The following MARCHF1 variants were observed in gnomAD, a reference collection of about 807,000 sequenced individuals.
The protein encoded by MARCHF1 is membrane associated ring-CH-type finger 1.
In MARCHF1, 40 loss-of-function variants were observed where a neutral mutation model predicts 54.2. That is an observed-to-expected ratio of 0.74 (90% CI 0.57 to 0.96). The LOEUF (loss-of-function observed/expected upper bound fraction) is 0.96. MARCHF1 is among the 40% of genes least tolerant of loss of function. The probability of loss-of-function intolerance (pLI) is 0.00; values close to 1 mark genes in which losing one functional copy is unlikely to be tolerated. For missense variants in MARCHF1, 586 were observed against 656.5 expected (o/e 0.89, Z 1.17); for synonymous variants, 236 against 236.3 (o/e 1.00, Z 0.01).
At chr4:163,801,549 T>C (rs1049151624) in intron 4 of MARCHF1, among the ~76,000 whole-genome samples, 1 of 152,140 alleles carries the variant, frequency 6.6e-6, no homozygotes, top group Non-Finnish European at 1.5e-5. Context: ...AGGTATATCA[T>C]AACATCAGTA....
At chr4:163,778,127 C>T (rs961524120) in intron 4 of MARCHF1, among the ~76,000 whole-genome samples, 3 of 151,880 alleles carry the variant, frequency 2.0e-5, no homozygotes, top group Admixed American at 6.6e-5. Context: ...AAGCAGGATT[C>T]GATTACATGG....
chr4:164,124,582 G>A (rs1438867641), intron 1 of MARCHF1, among the ~76,000 whole-genome samples: 2 of 151,234 alleles, frequency 1.3e-5, no homozygotes, highest in Non-Finnish European at 2.9e-5. Context: ...ACACAACGGA[G>A]TACTATTCTG....
chr4:164,051,708 T>TATCCTAGGTATC (rs1195381943), intron 2 of MARCHF1, among the ~76,000 whole-genome samples: 15 of 152,166 alleles, frequency 9.9e-5, no homozygotes, highest in Non-Finnish European at 1.8e-4. Context: ...TTATCCTAGG[T>TATCCTAGGTATC]CTAACTGATT....
At chr4:163,657,175 A>G (rs539260873) in intron 5 of MARCHF1, among the ~76,000 whole-genome samples, 4 of 152,194 alleles carry the variant, frequency 2.6e-5, no homozygotes, top group African/African-American at 9.6e-5. Flanking sequence ...TGTCTCAGCC[A>G]AAAGCTTCTT....
chr4:164,203,309 G>A (rs954589606), intron 1 of MARCHF1, among the ~76,000 whole-genome samples: 1 of 152,192 alleles, frequency 6.6e-6, no homozygotes, highest in Middle Eastern at 3.4e-3. Context: ...CTGTGTAGGA[G>A]AAAGAGAGAG....
At chr4:163,797,248 G>A (rs1326212136) in intron 4 of MARCHF1, among the ~76,000 whole-genome samples, 1 of 151,774 alleles carries the variant, frequency 6.6e-6, no homozygotes, top group Non-Finnish European at 1.5e-5. Flanking sequence ...GTAGTCCTTT[G>A]TAAGTGATCT....
intron 3 of MARCHF1, among the ~76,000 whole-genome samples, chr4:163,954,218 C>A (rs1429647550): frequency 6.6e-6 from 1 of 152,118 alleles, no homozygotes; most frequent in East Asian, 1.9e-4. Flanking sequence ...ATAAAAATCA[C>A]ATGGAATATT....
At position 163,731,964 on chromosome 4, in the gene MARCHF1, A is replaced by T. The variant is rs565391508; in HGVS notation, c.112-31101T>A. ...CAACAAGATCCCAGAACAAAGCTCA[A>T]CAACATTTTTAGGAATAGAAAAATA... On this transcript the variant is annotated intron_variant, in intron 4 of 9. Transcript: ENST00000514618. Among the ~76,000 whole-genome samples the T allele has an allele frequency of 3.3e-5, 5 of 152,316 alleles. No homozygotes were observed. The South Asian group carries it at 1.0e-3, about 32-fold the overall frequency.
At chr4:164,316,914 C>T (rs1735015311) in intron 1 of MARCHF1, among the ~76,000 whole-genome samples, 1 of 152,174 alleles carries the variant, frequency 6.6e-6, no homozygotes, top group Non-Finnish European at 1.5e-5. Flanking sequence ...TCCCTTACTG[C>T]AATGACTAAG....
Position 164,133,481 on chromosome 4 carries a change from T to C in MARCHF1, c.-322-21819A>G, listed in dbSNP as rs142474662. 1.2e-3 allele frequency among the ~76,000 whole-genome samples: 176 copies of C among 152,300 alleles called. 1 individual carries two copies. Among genetic ancestry groups the C allele is most frequent in the Non-Finnish European group, 4.7e-4 (32 of 68,026 alleles). ...TATCATATTATTGAATTCAAAACCA[T>C]TATAAAATTTATTTGAAGAAAAGTC... On this transcript the variant is annotated intron_variant, in intron 1 of 9. Transcript: ENST00000514618.
rs556580101 is a variant in MARCHF1 at position 163,754,707 on chromosome 4, G to T, written c.112-53844C>A. Reference sequence around the variant, plus strand: ...TCCACAATTAAAATTTTATTGATTTGATTTAAACCTGTTAAAGACTCTTTT... The same window carrying T: ...TCCACAATTAAAATTTTATTGATTTTATTTAAACCTGTTAAAGACTCTTTT... On this transcript the variant is annotated intron_variant, in intron 4 of 9. Coordinates refer to ENST00000514618, the MANE Select transcript of MARCHF1 (RefSeq NM_001394959.1). 4.0e-5 allele frequency among the ~76,000 whole-genome samples: 6 copies of T among 148,960 alleles called. No homozygotes were observed. The Admixed American group carries it at 4.0e-4, about 10-fold the overall frequency.
intron 3 of MARCHF1, among the ~76,000 whole-genome samples, chr4:163,901,068 G>GTA: frequency 6.6e-6 from 1 of 152,186 alleles, no homozygotes; most frequent in Admixed American, 6.5e-5. Context: ...CCATCCCATT[G>GTA]TATATTTTAT....
chr4:164,143,376 T>A (rs1214830049), intron 1 of MARCHF1, among the ~76,000 whole-genome samples: 1 of 146,214 alleles, frequency 6.8e-6, no homozygotes, highest in Non-Finnish European at 1.5e-5. Context: ...ATTGTCAGAT[T>A]CACCAAAGTT....
chr4:163,840,108 T>C (rs1380135681), intron 4 of MARCHF1, among the ~76,000 whole-genome samples: 1 of 152,142 alleles, frequency 6.6e-6, no homozygotes, highest in Non-Finnish European at 1.5e-5. Context: ...CTAATTATCA[T>C]TTGGATGAAA....
intron 1 of MARCHF1, among the ~76,000 whole-genome samples, chr4:164,184,844 C>A (rs538908350): frequency 1.3e-5 from 2 of 152,104 alleles, no homozygotes; most frequent in Non-Finnish European, 2.9e-5. Flanking sequence ...ATACCCAAAC[C>A]TACATAGAGT....
chr4:163,623,692 T>C (rs1741765460), intron 5 of MARCHF1, among the ~76,000 whole-genome samples: 1 of 152,212 alleles, frequency 6.6e-6, no homozygotes, highest in Non-Finnish European at 1.5e-5. Context: ...TTAGTTACAA[T>C]GGAAGTAACT....
chr4:163,910,247 T>A (rs953615277), intron 3 of MARCHF1, among the ~76,000 whole-genome samples: 1 of 152,164 alleles, frequency 6.6e-6, no homozygotes, highest in East Asian at 1.9e-4. Context: ...GGCAGTATGA[T>A]CTCTTTCATA....
chr4:163,931,058 G>A (rs1467476187), intron 3 of MARCHF1, among the ~76,000 whole-genome samples: 1 of 152,056 alleles, frequency 6.6e-6, no homozygotes, highest in African/African-American at 2.4e-5. Context: ...TAAGTTTGCT[G>A]GCTTTCTAAG....
At chr4:164,210,762 T>C (rs946312182) in intron 1 of MARCHF1, among the ~76,000 whole-genome samples, 2 of 152,134 alleles carry the variant, frequency 1.3e-5, no homozygotes, top group Non-Finnish European at 2.9e-5. Context: ...TGTTCATTTC[T>C]ACATTATTGA....
Sources: gnomAD v4.1 joint callset for allele counts (sites outside exome capture counted in the v4.1 genomes callset) on GRCh38, gnomAD v4.1.1 for gene constraint, MANE v1.5 for transcripts, NCBI Gene and HGNC (gene_info 2026-07-23, HGNC 2026-07-21) for gene names.